GALE: variants seen among roughly 807,000 people sequenced by gnomAD.
The protein encoded by GALE is UDP-glucose 4-epimerase.
A neutral mutation model predicts 44.1 loss-of-function variants in GALE; 32 were observed. That is an observed-to-expected ratio of 0.73 (90% CI 0.55 to 0.97). The LOEUF (loss-of-function observed/expected upper bound fraction) is 0.97, where lower values mean the gene tolerates loss of function less well. Among genes scored for constraint, GALE ranks in the 50% least tolerant of loss-of-function variants. GALE has a pLI of 0.00. For missense variants in GALE, 423 were observed against 455.6 expected (o/e 0.93, Z 0.65); for synonymous variants, 182 against 183.5 (o/e 0.99, Z 0.06).
At chr1:23,800,310 C>A in intron 1 of GALE, 1 of 152,750 alleles carries the variant, frequency 6.5e-6, no homozygotes, top group South Asian at 1.9e-4. Context: ...GCGCGGACCC[C>A]GAAAGTGGTC....
chr1:23,797,584 C>A, intron 6 of GALE, 111 bp downstream of exon 6: 1 of 1,067,346 alleles, frequency 9.4e-7, no homozygotes, highest in Admixed American at 1.9e-5. Flanking sequence ...ACTGCCTGAG[C>A]CTTAGCTTCC....
rs1366661757 is a variant in GALE, at chr1:23,796,710, T to C, written c.782A>G (p.Gln261Arg). Residue 261 changes from glutamine (Q) to arginine (R), a missense_variant, in exon 9 of 12, where the codon CAG becomes CGG. Coordinates refer to ENST00000617979, the MANE Select transcript of GALE (RefSeq NM_001008216.2). This position sits in a 1 kb window ranked among gnomAD's most constrained non-coding sequence, Gnocchi z 5.2. ...HIAALRKLKE[Q>R]CGCRIYNLGT... is the part of the protein sequence containing the mutation. ...TTCTCTTCCTACCCGGCAGCCACAC[T>C]GTTCTTTCAGCTTCCTTAAGGCTGC... is the stretch of plus-strand genomic sequence containing the variant. 1.4e-5 allele frequency: 22 copies of C among 1,613,288 alleles called. No homozygotes were observed. Among genetic ancestry groups the C allele is most frequent in the Non-Finnish European group, 1.8e-5 (21 of 1,179,682 alleles).
chr1:23,800,459 A>T (rs796797833), intron 1 of GALE: 65 of 152,652 alleles, frequency 4.3e-4, no homozygotes, highest in African/African-American at 1.5e-3. Context: ...CCGTGGGCAT[A>T]CGAGGGCGGC....
chr1:23,795,599 C>G lies in GALE; in HGVS notation c.*350G>C, dbSNP rs1638921313. The G allele has an allele frequency of 7.6e-6, 3 of 395,286 alleles. No homozygotes were observed. The South Asian group carries it at 7.9e-5, about 10-fold the overall frequency. The allele number at this position is 395,286 out of a possible 1,614,324, so 24.5% of individuals were successfully genotyped here. A position where few individuals can be genotyped will look rare whatever the true frequency, so the allele number is the denominator to read the frequency against. ...ATAGTGACCATCTGTGAGAACCTGC[C>G]CCAGTGTAAGAAAACTTGTTTTTAT... On this transcript the variant is annotated 3_prime_UTR_variant, in exon 12 of 12. Transcript: ENST00000617979.
chr1:23,796,602 C>A lies in GALE; in HGVS notation c.796-16G>T. Reference sequence around the variant, plus strand: ...GGTTGTAGATCTGGCCCACGGAGAACAGGGTTTATGGAGCGGGCTGGACTG... The same window carrying A: ...GGTTGTAGATCTGGCCCACGGAGAAAAGGGTTTATGGAGCGGGCTGGACTG... On this transcript the variant is annotated splice_polypyrimidine_tract_variant and intron_variant, in intron 9 of 11. Transcript: ENST00000617979. This position sits in a 1 kb window ranked among gnomAD's most constrained non-coding sequence, Gnocchi z 5.2. 1 of 1,614,062 alleles carries A rather than the reference C, an allele frequency of 6.2e-7. No homozygotes were observed. Among genetic ancestry groups the A allele is most frequent in the Non-Finnish European group, 8.5e-7 (1 of 1,179,992 alleles).
rs1311084674 is a variant in GALE at position 23,797,703 on chromosome 1, C to G, written c.520G>C (p.Ala174Pro). The G allele has an allele frequency of 1.2e-6, 2 of 1,613,988 alleles. No homozygotes were observed. Among genetic ancestry groups the G allele is most frequent in the East Asian group, 2.2e-5 (1 of 44,884 alleles). Reference sequence around the variant, plus strand: ...GTCAAGGGGGCCCTCACCTTGTCTGCCTGGCACAGGTCCCGGATCATTTCC... The same window carrying G: ...GTCAAGGGGGCCCTCACCTTGTCTGGCTGGCACAGGTCCCGGATCATTTCC... ...IEEMIRDLCQ[A>P]DKTWNAVLLR... The change falls in exon 6 of 12, where the codon GCA becomes CCA. Residue 174 changes from alanine (A) to proline (P), a missense_variant. Physicochemically the swap from Ala to Pro is conservative, Grantham distance 27. Transcript: ENST00000617979.
chr1:23,798,087 A>T lies in GALE; in HGVS notation c.351+30T>A. On this transcript the variant is annotated intron_variant, in intron 5 of 11. Coordinates refer to ENST00000617979, the MANE Select transcript of GALE (RefSeq NM_001008216.2). The surrounding 1 kb of genome is among the most constrained non-coding windows in gnomAD (Gnocchi z 4.5). ...CTGGGGTCCAGCTGGACACCCTCCT[A>T]GTGTCTGTGCCCTGTCCCATGCCTC... 6.5e-7 allele frequency: 1 copy of T among 1,549,312 alleles called. No homozygotes were observed. Among genetic ancestry groups the T allele is most frequent in the Non-Finnish European group, 8.9e-7 (1 of 1,120,746 alleles).
chr1:23,797,015 C>A lies in GALE; in HGVS notation c.642+19G>T. ...TTTAACCCCAGGGCCACTCCTCTGT[C>A]CCTTCCCTTTTGCCTTACCTGGGAG... On this transcript the variant is annotated intron_variant, in intron 7 of 11. Coordinates refer to ENST00000617979, the MANE Select transcript of GALE (RefSeq NM_001008216.2). 6.2e-7 allele frequency: 1 copy of A among 1,610,314 alleles called. No homozygotes were observed. The highest frequency in any genetic ancestry group is 1.1e-5 in the South Asian group (1 of 90,410).
In GALE at chr1:23,796,302, G is replaced by A. The variant is rs771083131; in HGVS notation, c.874-37C>T. 4.8e-5 allele frequency: 76 copies of A among 1,579,824 alleles called. No individual in the cohort carries two copies. Among genetic ancestry groups the A allele is most frequent in the African/African-American group, 8.1e-5 (6 of 74,230 alleles). ...GAGGTAGTTGGAGCTTAGCTGAGCC[G>A]GCCCTGGCCCAGCTGCTGGCCAGGT... On this transcript the variant is annotated intron_variant, in intron 10 of 11. Transcript: ENST00000617979. The surrounding 1 kb of genome is among the most constrained non-coding windows in gnomAD (Gnocchi z 5.2).
In GALE at chr1:23,796,817, G is replaced by A. The variant is rs1482825461; in HGVS notation, c.710-35C>T. 6.2e-7 allele frequency: 1 copy of A among 1,607,542 alleles called. No homozygotes were observed. On this transcript the variant is annotated intron_variant, in intron 8 of 11. Coordinates refer to ENST00000617979, the MANE Select transcript of GALE (RefSeq NM_001008216.2). This position sits in a 1 kb window ranked among gnomAD's most constrained non-coding sequence, Gnocchi z 5.2. Reference sequence around the variant, plus strand: ...AGGGAGTGTGTTGGATGGGGAGTCTGTTCCCCCTGACTCTCCTTCCTGGCT... The same window carrying A: ...AGGGAGTGTGTTGGATGGGGAGTCTATTCCCCCTGACTCTCCTTCCTGGCT...
At chr1:23,800,251 G>A (rs1450716886) in intron 1 of GALE, 1 of 152,844 alleles carries the variant, frequency 6.5e-6, no homozygotes, top group East Asian at 1.9e-4. Context: ...GCTGCCCGCT[G>A]GACTCTGCCC....
At position 23,796,974 on chromosome 1, in the gene GALE, G is replaced by T. The variant is rs1209169161; in HGVS notation, c.643-32C>A. On this transcript the variant is annotated intron_variant, in intron 7 of 11. Coordinates refer to ENST00000617979, the MANE Select transcript of GALE (RefSeq NM_001008216.2). The surrounding 1 kb of genome is among the most constrained non-coding windows in gnomAD (Gnocchi z 5.2). Reference sequence around the variant, plus strand: ...GTGGAGATCAGGTCAGTTCGTCCCAGATCCCAGGCACCAGCTTTAACCCCA... The same window carrying T: ...GTGGAGATCAGGTCAGTTCGTCCCATATCCCAGGCACCAGCTTTAACCCCA... 1 of 1,610,074 alleles carries T rather than the reference G, an allele frequency of 6.2e-7. No individual in the cohort carries two copies. Among genetic ancestry groups the T allele is most frequent in the East Asian group, 2.2e-5 (1 of 44,812 alleles).
rs1638927047 is a variant in GALE, at chr1:23,795,796, G to A, written c.*153C>T. The stretch of plus-strand genomic sequence containing the variant: ...CGGCCTCCTGGTCAGTGGAGCCCTT[G>A]GCCTCATGCCTGGTGGGCTAAGCGG... On this transcript the variant is annotated 3_prime_UTR_variant, in exon 12 of 12. Coordinates refer to ENST00000617979, the MANE Select transcript of GALE (RefSeq NM_001008216.2). The A allele has an allele frequency of 1.4e-6, 1 of 723,420 alleles. No homozygotes were observed. The highest frequency in any genetic ancestry group is 1.8e-5 in the African/African-American group (1 of 57,002). 44.8% of individuals were successfully genotyped at this position (723,420 alleles called of 1,614,324 possible).
At position 23,796,935 on chromosome 1, in the gene GALE, A is replaced by C; in HGVS notation, c.650T>G (p.Ile217Ser). 6.2e-7 allele frequency: 1 copy of C among 1,613,244 alleles called. No homozygotes were observed. The highest frequency in any genetic ancestry group is 8.5e-7 in the Non-Finnish European group (1 of 1,179,734). Residue 217 changes from isoleucine (I) to serine (S), a missense_variant, in exon 8 of 12, where the codon ATC becomes AGC. Physicochemically the swap from Ile to Ser is moderately radical, Grantham distance 142. Transcript: ENST00000617979. This position sits in a 1 kb window ranked among gnomAD's most constrained non-coding sequence, Gnocchi z 5.2. ...GACATTCAGGGCCTCCCGTCGCCCG[A>C]TCGCCACCTGGAGGTGGAGATCAGG... ...NLMPYVSQVA[I>S]GRREALNVFG...
In GALE at chr1:23,796,400, G is replaced by T; in HGVS notation, c.873+109C>A. 1 of 1,427,830 alleles carries T rather than the reference G, an allele frequency of 7.0e-7. No homozygotes were observed. The highest frequency in any genetic ancestry group is 9.8e-7 in the Non-Finnish European group (1 of 1,016,514). 88.4% of individuals were successfully genotyped at this position (1,427,830 alleles called of 1,614,324 possible). On this transcript the variant is annotated intron_variant, in intron 10 of 11. Transcript: ENST00000617979. This position sits in a 1 kb window ranked among gnomAD's most constrained non-coding sequence, Gnocchi z 5.2. ...GTGCTAGGCAGGCTGAGGAGACTGG[G>T]CAGTGCCAGGTACCCTCCAGAGAGG...
intron 5 of GALE, 68 bp from the exon 6 acceptor site, chr1:23,797,939 C>G: frequency 6.5e-7 from 1 of 1,543,214 alleles, no homozygotes; most frequent in Non-Finnish European, 9.0e-7. Context: ...TACTCCTCCA[C>G]AGGAGAATGG....
Position 23,795,998 on chromosome 1 carries a change from A to T in GALE, c.998T>A (p.Leu333His), listed in dbSNP as rs1174488497. ...AGGATTCTGCTTCTGCCAGCGCCAG[A>T]GATCCTCACCTGCAACACGGCGAGG... ...ALGLDRMCED[L>H]WRWQKQNPSG... The change falls in exon 12 of 12, where the codon CTC (leucine) becomes CAC (histidine). Residue 333 changes from leucine (L) to histidine (H), a missense_variant. Coordinates refer to ENST00000617979, the MANE Select transcript of GALE (RefSeq NM_001008216.2). 6.2e-7 allele frequency: 1 copy of T among 1,613,920 alleles called. No homozygotes were observed. Among genetic ancestry groups the T allele is most frequent in the Non-Finnish European group, 8.5e-7 (1 of 1,179,996 alleles).
At position 23,796,260 on chromosome 1, in the gene GALE, C is replaced by T. The variant is rs142332521; in HGVS notation, c.879G>A (p.Pro293=). The change falls in exon 11 of 12, where the codon CCG becomes CCA. Residue 293 remains proline (P), a synonymous_variant. Transcript: ENST00000617979. The surrounding 1 kb of genome is among the most constrained non-coding windows in gnomAD (Gnocchi z 5.2). ...CTTCCCGCCGTGCCACCACCTTGTA[C>T]GGGATCTGCAAGACAGGAGGTAGTT... ...AMEKASGKKI[P]YKVVARREGD... The T allele has an allele frequency of 3.4e-3, 5,474 of 1,613,886 alleles. 14 individuals are homozygous for T. The highest frequency in any genetic ancestry group is 4.0e-3 in the Non-Finnish European group (4,713 of 1,179,786).
rs1638963721 is a variant in GALE, at chr1:23,796,603, A to G, written c.796-17T>C. The G allele has an allele frequency of 6.2e-6, 10 of 1,613,734 alleles. No homozygotes were observed. The highest frequency in any genetic ancestry group is 8.5e-6 in the Non-Finnish European group (10 of 1,179,952). On this transcript the variant is annotated splice_polypyrimidine_tract_variant and intron_variant, in intron 9 of 11. Transcript: ENST00000617979. This position sits in a 1 kb window ranked among gnomAD's most constrained non-coding sequence, Gnocchi z 5.2. ...GTTGTAGATCTGGCCCACGGAGAACAGGGTTTATGGAGCGGGCTGGACTGA... is the reference window on the plus strand; with the variant it reads ...GTTGTAGATCTGGCCCACGGAGAACGGGGTTTATGGAGCGGGCTGGACTGA...
Sources: gnomAD v4.1 joint callset for allele counts on GRCh38, gnomAD v4.1.1 for gene constraint, Gnocchi (gnomAD v3.1) non-coding constraint, MANE v1.5 for transcripts, NCBI Gene and HGNC (gene_info 2026-07-23, HGNC 2026-07-21) for gene names.